The following ZNF385D variants were observed in gnomAD, a reference collection of about 807,000 sequenced individuals.
ZNF385D encodes zinc finger protein 385D.
A neutral mutation model predicts 35.8 loss-of-function variants in ZNF385D; 15 were observed. That is an observed-to-expected ratio of 0.42 (90% CI 0.28 to 0.64). ZNF385D has a LOEUF of 0.64. ZNF385D is among the 30% of genes least tolerant of loss of function. The pLI, the probability that ZNF385D is intolerant of heterozygous loss-of-function variation, is 0.23. For synonymous variants in ZNF385D, 212 were observed against 186.8 expected (o/e 1.13, Z -1.10); for missense variants, 474 against 494.6 (o/e 0.96, Z 0.39).
rs114319387 is a variant in ZNF385D, at chr3:22,026,914, T to C, written c.325+141903A>G. On this transcript the variant is annotated intron_variant, in intron 3 of 5. Coordinates refer to the ZNF385D transcript ENST00000494108. ...GATCTTGGAGAATGGTGGTGGATTA[T>C]TGTAAGATTAACCAAACAGTGACTC... Among the ~76,000 whole-genome samples, 1,018 of 152,312 alleles carry C rather than the reference T, an allele frequency of 6.7e-3. 10 individuals carry two copies. The highest frequency in any genetic ancestry group is 0.022 in the African/African-American group (915 of 41,564).
chr3:21,839,096 G>A (rs547469859), intron 3 of ZNF385D, among the ~76,000 whole-genome samples: 10 of 152,054 alleles, frequency 6.6e-5, no homozygotes, highest in Admixed American at 2.6e-4. Context: ...CATAATTAAC[G>A]ATTATCAAAT....
chr3:21,994,514 A>AT (rs201637052), intron 3 of ZNF385D, among the ~76,000 whole-genome samples: 25,084 of 150,798 alleles, frequency 0.17, 2,243 homozygotes, highest in Middle Eastern at 0.22. Flanking sequence ...ACCATTTTAT[A>AT]TTTTTTTTTA....
intron 3 of ZNF385D, among the ~76,000 whole-genome samples, chr3:21,850,744 T>C (rs1406272260): frequency 6.6e-6 from 1 of 152,066 alleles, no homozygotes; most frequent in African/African-American, 2.4e-5. Context: ...GATACTTCGT[T>C]AAGATTCCAG....
chr3:21,965,679 T>C (rs1317488196), intron 3 of ZNF385D, among the ~76,000 whole-genome samples: 3 of 152,164 alleles, frequency 2.0e-5, no homozygotes, highest in African/African-American at 4.8e-5. Context: ...CAAATTTAAA[T>C]ATAAACTGCA....
chr3:22,311,389 T>C (rs1324412285), intron 2 of ZNF385D, among the ~76,000 whole-genome samples: 1 of 152,100 alleles, frequency 6.6e-6, no homozygotes, highest in Non-Finnish European at 1.5e-5. Context: ...TTTGGGTTAA[T>C]ATTTCCAGTA....
Position 21,791,422 on chromosome 3 carries a change from G to A in ZNF385D, c.326-126394C>T, listed in dbSNP as rs542918767. Among the ~76,000 whole-genome samples, 38 of 152,226 alleles carry A rather than the reference G, an allele frequency of 2.5e-4. No individual in the cohort carries two copies. The South Asian group carries it at 7.7e-3, about 31-fold the overall frequency. On this transcript the variant is annotated intron_variant, in intron 3 of 5. Transcript: ENST00000494108. ...TGAGCAATAGTGACAAGAAGCAGGAGGTATCCCAAAAATGTCTTCACTTCA... is the reference window on the plus strand; with the variant it reads ...TGAGCAATAGTGACAAGAAGCAGGAAGTATCCCAAAAATGTCTTCACTTCA...
At chr3:22,327,014 G>T (rs906438447) in intron 2 of ZNF385D, among the ~76,000 whole-genome samples, 3 of 152,190 alleles carry the variant, frequency 2.0e-5, no homozygotes, top group African/African-American at 7.2e-5. Flanking sequence ...CCCTGTAAGG[G>T]AGAAAAGGAC....
intron 3 of ZNF385D, among the ~76,000 whole-genome samples, chr3:22,148,542 G>T (rs968475483): frequency 6.6e-6 from 1 of 152,166 alleles, no homozygotes; most frequent in Non-Finnish European, 1.5e-5. Context: ...TACAAACCAA[G>T]AATCTGTGTA....
rs776457393 is a variant in ZNF385D at position 22,079,902 on chromosome 3, GTGTA to G, written c.325+88911_325+88914del. On this transcript the variant is annotated intron_variant, in intron 3 of 5. Coordinates refer to the ZNF385D transcript ENST00000494108. Reference sequence around the variant, plus strand: ...CTTAGAGATTCAAATATGTGTGTGTGTGTATGTATGTATATGTGTGTACATATAT... The same window carrying G: ...CTTAGAGATTCAAATATGTGTGTGTGTGTATGTATATGTGTGTACATATAT... Among the ~76,000 whole-genome samples, 11 of 152,044 alleles carry G rather than the reference GTGTA, an allele frequency of 7.2e-5. No individual in the cohort carries two copies. In the East Asian group the frequency reaches 1.4e-3, roughly 19 times the overall value.
intron 5 of ZNF385D, chr3:21,431,126 A>G (rs921617443): frequency 1.3e-5 from 2 of 152,184 alleles, no homozygotes; most frequent in African/African-American, 4.8e-5. Flanking sequence ...GTGATTTTAT[A>G]TGAGGCATAG....
chr3:21,958,964 T>G (rs1317409960), intron 3 of ZNF385D: 1 of 152,168 alleles, frequency 6.6e-6, no homozygotes, highest in Non-Finnish European at 1.5e-5. Flanking sequence ...TTTAAAGCCC[T>G]GAGATTTCAT....
intron 1 of ZNF385D, among the ~76,000 whole-genome samples, chr3:21,693,880 T>TC (rs1174907633): frequency 6.9e-6 from 1 of 145,154 alleles, no homozygotes; most frequent in Admixed American, 7.0e-5. Context: ...ATCTTTTTTT[T>TC]TCTTTTTTTT....
chr3:22,207,603 G>A (rs771494645), intron 2 of ZNF385D, among the ~76,000 whole-genome samples: 16 of 151,932 alleles, frequency 1.1e-4, no homozygotes, highest in South Asian at 4.1e-4. Context: ...ATGACATCAC[G>A]TTAACAAGCT....
intron 3 of ZNF385D, among the ~76,000 whole-genome samples, chr3:22,020,879 G>C (rs1697183601): frequency 6.6e-6 from 1 of 151,962 alleles, no homozygotes; most frequent in Non-Finnish European, 1.5e-5. Context: ...CAATCTAAGT[G>C]TCCATGAACA....
At chr3:21,858,517 A>AAAG (rs1696863114) in intron 3 of ZNF385D, among the ~76,000 whole-genome samples, 1 of 152,004 alleles carries the variant, frequency 6.6e-6, no homozygotes, top group African/African-American at 2.4e-5. Flanking sequence ...GTGTCCTTAT[A>AAAG]AAAGAGGACC....
At chr3:21,598,603 A>T (rs2064191903) in intron 2 of ZNF385D, among the ~76,000 whole-genome samples, 1 of 152,224 alleles carries the variant, frequency 6.6e-6, no homozygotes, top group African/African-American at 2.4e-5. Flanking sequence ...GTCTCAAAAA[A>T]TATCTGTCGA....
chr3:21,489,782 G>T (rs1226979637), intron 4 of ZNF385D, among the ~76,000 whole-genome samples: 1 of 152,038 alleles, frequency 6.6e-6, no homozygotes, highest in Admixed American at 6.6e-5. Context: ...TAGAAGTCTA[G>T]GAAGTTCCTG....
At chr3:21,834,469 A>G (rs1460151451) in intron 3 of ZNF385D, among the ~76,000 whole-genome samples, 1 of 152,184 alleles carries the variant, frequency 6.6e-6, no homozygotes, top group Non-Finnish European at 1.5e-5. Flanking sequence ...GAAGAATCCT[A>G]CAGCTCTGAT....
intron 3 of ZNF385D, among the ~76,000 whole-genome samples, chr3:22,084,823 G>C (rs1035337189): frequency 2.6e-5 from 4 of 152,112 alleles, no homozygotes; most frequent in Admixed American, 1.3e-4. Context: ...CACATAGTTG[G>C]AAGTAAAGCA....
Sources: allele counts gnomAD v4.1 joint callset (sites outside exome capture counted in the v4.1 genomes callset), GRCh38; gene constraint gnomAD v4.1.1; transcripts MANE v1.5; gene names NCBI Gene and HGNC (gene_info 2026-07-23, HGNC 2026-07-21).